Variants in ADGRV1 observed in about 807,000 individuals in gnomAD.
The protein encoded by ADGRV1 is adhesion G protein-coupled receptor V1.
ADGRV1 carries 359 observed loss-of-function variants against 596.2 expected under a neutral mutation model. The observed-to-expected ratio is 0.60, with a 90% confidence interval of 0.55 to 0.66. The LOEUF (loss-of-function observed/expected upper bound fraction) is 0.66, where lower values mean the gene tolerates loss of function less well. ADGRV1 is among the 30% of genes least tolerant of loss of function. The pLI is 0.00. For synonymous variants in ADGRV1, 2,681 were observed against 2,679.2 expected, an observed-to-expected ratio of 1.00 and a Z score of -0.02; for missense variants, 7,274 against 7,575.6, an observed-to-expected ratio of 0.96 and a Z score of 1.48.
chr5:91,095,560 A>C (rs1157909613), intron 86 of ADGRV1, among the ~76,000 whole-genome samples: 1 of 152,168 alleles, frequency 6.6e-6, no homozygotes, highest in Non-Finnish European at 1.5e-5. Flanking sequence ...CTGCTGCGGA[A>C]CTGGTGTTAA....
At chr5:90,927,958 C>T (rs1375180519) in intron 83 of ADGRV1, among the ~76,000 whole-genome samples, 1 of 152,068 alleles carries the variant, frequency 6.6e-6, no homozygotes, top group African/African-American at 2.4e-5. Flanking sequence ...TGAATATTGG[C>T]CCCCACTCTC....
chr5:90,626,536 A>G (rs1452916240), intron 6 of ADGRV1: 2 of 152,140 alleles, frequency 1.3e-5, no homozygotes, highest in African/African-American at 4.8e-5. Flanking sequence ...GGTGAATGAA[A>G]AGCTCACACA....
chr5:90,848,851 C>A lies in ADGRV1; in HGVS notation c.17204+30C>A, dbSNP rs114089554. On this transcript the variant is annotated intron_variant, in intron 79 of 89. Transcript: ENST00000405460. ...GTATCTTTTAATATATTAGCAGTAC[C>A]TTTTATGCATTTTTTTCACTGTTTA... 4.7e-4 allele frequency: 700 copies of A among 1,476,950 alleles called. 2 individuals are homozygous for A. In the African/African-American group the frequency reaches 9.5e-3, roughly 20 times the overall value. 91.5% of individuals were successfully genotyped at this position (1,476,950 alleles called of 1,614,324 possible).
intron 83 of ADGRV1, among the ~76,000 whole-genome samples, chr5:90,869,411 T>C (rs1334146744): frequency 3.3e-4 from 50 of 152,178 alleles, no homozygotes; most frequent in Admixed American, 3.3e-3. Context: ...GAGTCACCAA[T>C]GGAGTTAGTC....
intron 1 of ADGRV1, among the ~76,000 whole-genome samples, chr5:90,600,992 T>G (rs1208546260): frequency 6.6e-6 from 1 of 152,122 alleles, no homozygotes; most frequent in Non-Finnish European, 1.5e-5. Flanking sequence ...ATTCCAGCAC[T>G]TTGGGAGGCC....
intron 83 of ADGRV1, among the ~76,000 whole-genome samples, chr5:90,926,674 A>C (rs892584540): frequency 1.3e-5 from 2 of 150,998 alleles, no homozygotes; most frequent in East Asian, 2.0e-4. Context: ...GCCTTCTGCT[A>C]GCTTTTGAAT....
intron 26 of ADGRV1, among the ~76,000 whole-genome samples, chr5:90,681,083 C>T (rs554461074): frequency 4.6e-5 from 7 of 152,296 alleles, no homozygotes; most frequent in Admixed American, 1.3e-4. Context: ...TATTCATCTC[C>T]AAGTGCTTAT....
At chr5:90,597,512 G>T (rs1469370115) in intron 1 of ADGRV1, among the ~76,000 whole-genome samples, 1 of 152,206 alleles carries the variant, frequency 6.6e-6, no homozygotes, top group Non-Finnish European at 1.5e-5. Flanking sequence ...GGGAATATTG[G>T]TTGGAACTTA....
At chr5:90,563,135 T>C (rs987656897) in intron 1 of ADGRV1, among the ~76,000 whole-genome samples, 1 of 152,052 alleles carries the variant, frequency 6.6e-6, no homozygotes, top group Non-Finnish European at 1.5e-5. Flanking sequence ...TATGAATAGA[T>C]TTCAAATGAT....
At chr5:90,931,503 A>G (rs1358712644) in intron 83 of ADGRV1, among the ~76,000 whole-genome samples, 1 of 152,176 alleles carries the variant, frequency 6.6e-6, no homozygotes, top group Non-Finnish European at 1.5e-5. Flanking sequence ...CAAATTGACA[A>G]ATTTCACTAG....
intron 21 of ADGRV1, among the ~76,000 whole-genome samples, chr5:90,671,214 G>A (rs1772418476): frequency 6.6e-6 from 1 of 152,198 alleles, no homozygotes; most frequent in Non-Finnish European, 1.5e-5. Context: ...GGCTCAGGCA[G>A]CAGGAGGTAA....
chr5:91,053,629 T>C (rs1290182633), intron 85 of ADGRV1, among the ~76,000 whole-genome samples: 3 of 152,246 alleles, frequency 2.0e-5, no homozygotes, highest in Non-Finnish European at 4.4e-5. Flanking sequence ...TTTCATATTG[T>C]TAAAGTAACA....
chr5:90,777,024 C>A (rs1758311982), intron 61 of ADGRV1, among the ~76,000 whole-genome samples: 1 of 152,032 alleles, frequency 6.6e-6, no homozygotes, highest in South Asian at 2.1e-4. Context: ...TCTCACACTG[C>A]TATAAAGAAC....
Position 90,853,445 on chromosome 5 carries a change from A to T in ADGRV1, c.17366A>T (p.Lys5789Ile). Residue 5789 changes from lysine (K) to isoleucine (I), a missense_variant, in exon 80 of 90, where the codon AAA (lysine) becomes ATA (isoleucine). Coordinates refer to ENST00000405460, the MANE Select transcript of ADGRV1 (RefSeq NM_032119.4). Reference sequence around the variant, plus strand: ...CAGGATGCAGAAATAATGGCTGGGAAAAGTACATGTAAATTAGTCCAGTTT... The same window carrying T: ...CAGGATGCAGAAATAATGGCTGGGATAAGTACATGTAAATTAGTCCAGTTT... ...DVQDAEIMAG[K>I]STCKLVQFTE... 1 of 1,613,418 alleles carries T rather than the reference A, an allele frequency of 6.2e-7. No individual in the cohort carries two copies. The highest frequency in any genetic ancestry group is 1.1e-5 in the South Asian group (1 of 91,056).
intron 15 of ADGRV1, among the ~76,000 whole-genome samples, chr5:90,645,275 TA>T (rs1767581291): frequency 6.6e-6 from 1 of 152,178 alleles, no homozygotes; most frequent in South Asian, 2.1e-4. Context: ...AGAAAGATCT[TA>T]ATAACAACAG....
intron 68 of ADGRV1, 121 bp downstream of exon 68, chr5:90,788,431 A>G: frequency 1.0e-6 from 1 of 953,716 alleles, no homozygotes; most frequent in African/African-American, 1.7e-5. Flanking sequence ...ACCAAATAAT[A>G]TCATAATAAT....
intron 43 of ADGRV1, among the ~76,000 whole-genome samples, chr5:90,719,356 A>AATAG (rs1750605056): frequency 5.5e-5 from 7 of 128,236 alleles, no homozygotes; most frequent in African/African-American, 2.2e-4. Flanking sequence ...TAAATAAATA[A>AATAG]ATAAATAAAT....
intron 83 of ADGRV1, among the ~76,000 whole-genome samples, chr5:90,894,190 G>A (rs939326913): frequency 6.6e-6 from 1 of 152,110 alleles, no homozygotes; most frequent in Non-Finnish European, 1.5e-5. Context: ...CCCACCCTAT[G>A]GCACATGCTA....
intron 30 of ADGRV1, among the ~76,000 whole-genome samples, chr5:90,690,474 G>A (rs1187181560): frequency 6.6e-6 from 1 of 152,152 alleles, no homozygotes; most frequent in East Asian, 1.9e-4. Flanking sequence ...ATCAGTCATG[G>A]GAACCAAATA....
Sources: gnomAD v4.1 joint callset for allele counts (sites outside exome capture counted in the v4.1 genomes callset) on GRCh38, gnomAD v4.1.1 for gene constraint, MANE v1.5 for transcripts, NCBI Gene and HGNC (gene_info 2026-07-23, HGNC 2026-07-21) for gene names.